The following USP34 variants were observed in gnomAD, a reference collection of about 807,000 sequenced individuals.
USP34 encodes ubiquitin carboxyl-terminal hydrolase 34.
USP34 carries 70 observed loss-of-function variants against 460.3 expected under a neutral mutation model. That is an observed-to-expected ratio of 0.15 (90% CI 0.13 to 0.19). The LOEUF (loss-of-function observed/expected upper bound fraction) is 0.19, where lower values mean the gene tolerates loss of function less well. Among genes scored for constraint, USP34 ranks in the 10% least tolerant of loss-of-function variants. USP34 has a pLI of 1.00. For synonymous variants in USP34, 1,647 were observed against 1,405.3 expected, an observed-to-expected ratio of 1.17 and a Z score of -3.85; for missense variants, 3,985 against 4,236.2, an observed-to-expected ratio of 0.94 and a Z score of 1.65.
chr2:61,444,350 G>C (rs902216064), intron 1 of USP34, among the ~76,000 whole-genome samples: 1 of 151,974 alleles, frequency 6.6e-6, no homozygotes, highest in Non-Finnish European at 1.5e-5. Context: ...GATTAAACAA[G>C]ACTGAGAAAT....
intron 7 of USP34, among the ~76,000 whole-genome samples, chr2:61,379,064 A>G (rs371516274): frequency 2.8e-4 from 43 of 152,312 alleles, no homozygotes; most frequent in South Asian, 8.3e-4. Context: ...CATTATAGAC[A>G]AAGTTTCAGG....
chr2:61,269,323 AT>A (rs397869885), intron 41 of USP34, among the ~76,000 whole-genome samples: 23,277 of 134,886 alleles, frequency 0.17, 2,142 homozygotes, highest in Non-Finnish European at 0.19. Context: ...ACCTTGGCTA[AT>A]TTTTTTTTTT....
chr2:61,441,483 C>G (rs1558596546), intron 1 of USP34, among the ~76,000 whole-genome samples: 1 of 152,126 alleles, frequency 6.6e-6, no homozygotes, highest in Non-Finnish European at 1.5e-5. Context: ...TGTCAGGAGG[C>G]CTCCTCTGGA....
chr2:61,372,492 ACTGAGGTCGAGGGGACTGCTTGAGC>A (rs1371402980), intron 8 of USP34, among the ~76,000 whole-genome samples: 8 of 152,198 alleles, frequency 5.3e-5, no homozygotes, highest in African/African-American at 1.9e-4. Context: ...ACTTTGGGAG[ACTGAGGTCGAGGGGACTGCTTGAGC>A]CTAGGAGTTC....
intron 2 of USP34, among the ~76,000 whole-genome samples, chr2:61,409,524 G>A (rs1229999109): frequency 2.6e-5 from 4 of 152,076 alleles, no homozygotes; most frequent in Non-Finnish European, 1.5e-5. Flanking sequence ...GACCAGCCTG[G>A]CCAACATCGT....
chr2:61,280,989 G>GTA (rs1377938881), intron 38 of USP34, 101 bp downstream of exon 38: 1 of 1,262,152 alleles, frequency 7.9e-7, no homozygotes. Flanking sequence ...ATCACATACA[G>GTA]TAGTCAAATG....
intron 58 of USP34, 71 bp downstream of exon 58, chr2:61,232,381 C>A (rs889871904): frequency 5.5e-6 from 7 of 1,270,838 alleles, no homozygotes; most frequent in Non-Finnish European, 8.0e-6. Context: ...CACTTATAAG[C>A]AAATTGAGAA....
At chr2:61,376,714 T>C (rs1336831479) in intron 8 of USP34, among the ~76,000 whole-genome samples, 1 of 145,726 alleles carries the variant, frequency 6.9e-6, no homozygotes, top group African/African-American at 2.5e-5. Context: ...AATGGCACCA[T>C]CTCGGGTCAC....
chr2:61,209,209 G>A (rs1687204490), intron 69 of USP34, among the ~76,000 whole-genome samples: 1 of 152,046 alleles, frequency 6.6e-6, no homozygotes, highest in South Asian at 2.1e-4. Context: ...TATCTACAAT[G>A]GCAGAAGATA....
intron 8 of USP34, among the ~76,000 whole-genome samples, chr2:61,372,550 T>C (rs1244155395): frequency 6.6e-6 from 1 of 152,126 alleles, no homozygotes; most frequent in Non-Finnish European, 1.5e-5. Context: ...GGCAACGTAA[T>C]GAAAGCCTGT....
intron 3 of USP34, among the ~76,000 whole-genome samples, chr2:61,398,190 C>T (rs1458874405): frequency 6.6e-6 from 1 of 151,980 alleles, no homozygotes; most frequent in Non-Finnish European, 1.5e-5. Flanking sequence ...ACGGGCGAGA[C>T]CCAATCTCTA....
chr2:61,294,673 A>G (rs1421031042), intron 32 of USP34, among the ~76,000 whole-genome samples: 1 of 152,166 alleles, frequency 6.6e-6, no homozygotes, highest in African/African-American at 2.4e-5. Context: ...CATCCGTCTC[A>G]GCCTCCCAAA....
At chr2:61,410,310 A>G (rs530912848) in intron 2 of USP34, among the ~76,000 whole-genome samples, 37 of 152,314 alleles carry the variant, frequency 2.4e-4, no homozygotes, top group African/African-American at 8.7e-4. Flanking sequence ...AAAGTGTGCA[A>G]CCTAGATCCC....
At chr2:61,263,432 C>T (rs1165993058) in intron 43 of USP34, among the ~76,000 whole-genome samples, 4 of 151,620 alleles carry the variant, frequency 2.6e-5, no homozygotes, top group African/African-American at 7.3e-5. Flanking sequence ...CCGCCCGCCT[C>T]GGCCTTCCAA....
intron 25 of USP34, among the ~76,000 whole-genome samples, 199 bp from the exon 26 acceptor site, chr2:61,312,109 C>T (rs1195288018): frequency 6.6e-6 from 1 of 151,384 alleles, no homozygotes; most frequent in Non-Finnish European, 1.5e-5. Context: ...GCTAAGAGCT[C>T]CTAACAAAAT....
rs772101905 is a variant in USP34 at position 61,288,837 on chromosome 2, C to T, written c.4589G>A (p.Cys1530Tyr). Residue 1530 changes from cysteine (C) to tyrosine (Y), a missense_variant, in exon 34 of 80, where the codon TGC (cysteine) becomes TAC (tyrosine). This residue lies in a region of USP34 where 1,114 missense variants were observed against 1,122.5 expected (regional missense o/e 0.99). Transcript: ENST00000398571. ...DCLACLLKLI[C>Y]QFAVDPSDLD... ...ATCGGATGGATCTACTGCAAACTGG[C>T]ATATTAACTTCAGCAAGCAAGCAAG... 2.5e-6 allele frequency: 4 copies of T among 1,613,504 alleles called. No individual in the cohort carries two copies. The Admixed American group carries it at 5.0e-5, about 20-fold the overall frequency.
At chr2:61,375,374 G>C (rs758651998) in intron 8 of USP34, among the ~76,000 whole-genome samples, 1 of 152,082 alleles carries the variant, frequency 6.6e-6, no homozygotes, top group Non-Finnish European at 1.5e-5. Context: ...AATCATATAA[G>C]CAACAATTCT....
Position 61,248,575 on chromosome 2 carries a change from T to C in USP34, c.6330A>G (p.Pro2110=), listed in dbSNP as rs754917554. 7.9e-5 allele frequency: 127 copies of C among 1,609,010 alleles called. No homozygotes were observed. Among genetic ancestry groups the C allele is most frequent in the Non-Finnish European group, 9.3e-5 (110 of 1,176,686 alleles). Residue 2110 remains proline, a synonymous_variant, in exon 49 of 80, where the codon CCA becomes CCG. Coordinates refer to ENST00000398571, the MANE Select transcript of USP34 (RefSeq NM_014709.4). Reference sequence around the variant, plus strand: ...TATAGGGCGTCATGTCCAAACGTAATGGGAAGGAAAAGTGTGTATTCACTT... The same window carrying C: ...TATAGGGCGTCATGTCCAAACGTAACGGGAAGGAAAAGTGTGTATTCACTT... ...KEKVNTHFSF[P]LRLDMTPYTE... is the part of the protein sequence containing the mutation.
Position 61,345,979 on chromosome 2 carries a change from T to C in USP34, c.2285+1891A>G, listed in dbSNP as rs1209702799. On this transcript the variant is annotated intron_variant, in intron 15 of 79. Coordinates refer to ENST00000398571, the MANE Select transcript of USP34 (RefSeq NM_014709.4). ...ATTTTGCCCATCATAATACCACCAC[T>C]AAGTGACAGAATCACATTATTTGGT... Among the ~76,000 whole-genome samples the C allele has an allele frequency of 2.0e-5, 3 of 152,244 alleles. No homozygotes were observed. In the East Asian group the frequency reaches 5.8e-4, roughly 29 times the overall value.
Sources: allele counts gnomAD v4.1 joint callset (sites outside exome capture counted in the v4.1 genomes callset), GRCh38; gene constraint gnomAD v4.1.1; regional missense constraint gnomAD v4.1.1; transcripts MANE v1.5; gene names NCBI Gene and HGNC (gene_info 2026-07-23, HGNC 2026-07-21).